ZNF385D: variants seen among roughly 807,000 people sequenced by gnomAD.
The protein encoded by ZNF385D is zinc finger protein 659.
A neutral mutation model predicts 35.8 loss-of-function variants in ZNF385D; 15 were observed. The ratio of observed to expected loss-of-function variants is 0.42; its 90% CI spans 0.28 to 0.64. ZNF385D has a LOEUF of 0.64. Ranked by LOEUF, ZNF385D falls within the 30% of genes least tolerant of loss-of-function variation. The pLI is 0.23. For synonymous variants in ZNF385D, 212 were observed against 186.8 expected (o/e 1.13, Z -1.10); for missense variants, 474 against 494.6 (o/e 0.96, Z 0.39).
rs866024762 is a variant in ZNF385D, at chr3:22,340,995, A to G, written c.106+31455T>C. 3.3e-5 allele frequency among the ~76,000 whole-genome samples: 5 copies of G among 152,336 alleles called. No homozygotes were observed. The South Asian group carries it at 1.0e-3, about 32-fold the overall frequency. ...GGTCATGGTCTACTTACCACATAGG[A>G]TAACTTCATCACCATTAAGGTGACA... is the stretch of plus-strand genomic sequence containing the variant. On this transcript the variant is annotated intron_variant, in intron 2 of 5. Coordinates refer to the ZNF385D transcript ENST00000494108.
chr3:21,649,412 A>T (rs1247213635), intron 2 of ZNF385D, among the ~76,000 whole-genome samples: 2 of 152,172 alleles, frequency 1.3e-5, no homozygotes, highest in Non-Finnish European at 2.9e-5. Flanking sequence ...GGAACTATTT[A>T]GCAGGATGAC....
chr3:22,077,388 G>C (rs1327208162), intron 3 of ZNF385D, among the ~76,000 whole-genome samples: 1 of 151,894 alleles, frequency 6.6e-6, no homozygotes, highest in South Asian at 2.1e-4. Flanking sequence ...AGACACAAAA[G>C]AGAAAATGAA....
chr3:21,573,792 G>C (rs1460843997), intron 2 of ZNF385D, among the ~76,000 whole-genome samples: 5 of 151,740 alleles, frequency 3.3e-5, no homozygotes, highest in Admixed American at 2.6e-4. Flanking sequence ...GGGCACGGTG[G>C]CTCACCCATG....
chr3:21,839,117 G>C (rs1407342980), intron 3 of ZNF385D, among the ~76,000 whole-genome samples: 1 of 151,984 alleles, frequency 6.6e-6, no homozygotes, highest in Non-Finnish European at 1.5e-5. Context: ...GGCTATAAAT[G>C]CAAAGTCAAA....
chr3:21,796,794 T>G (rs781549484), intron 3 of ZNF385D, among the ~76,000 whole-genome samples: 1 of 152,164 alleles, frequency 6.6e-6, no homozygotes, highest in Non-Finnish European at 1.5e-5. Flanking sequence ...AGAGCTAGAT[T>G]TGAACCCAGA....
chr3:21,518,105 CA>C (rs1707690586), intron 3 of ZNF385D, among the ~76,000 whole-genome samples: 1 of 152,108 alleles, frequency 6.6e-6, no homozygotes, highest in African/African-American at 2.4e-5. Context: ...CCAAAGTGGC[CA>C]TTTCTTTTGG....
chr3:21,742,673 C>T (rs2069576162), intron 1 of ZNF385D, among the ~76,000 whole-genome samples: 1 of 152,184 alleles, frequency 6.6e-6, no homozygotes, highest in Non-Finnish European at 1.5e-5. Flanking sequence ...ATGATTCCTG[C>T]TCCTGCCAGG....
intron 2 of ZNF385D, among the ~76,000 whole-genome samples, chr3:22,365,261 A>G (rs1353092499): frequency 6.6e-6 from 1 of 152,098 alleles, no homozygotes; most frequent in Non-Finnish European, 1.5e-5. Flanking sequence ...TATATTTATG[A>G]CAAAAATAAA....
chr3:21,764,792 G>A (rs2070756830), intron 3 of ZNF385D, among the ~76,000 whole-genome samples: 1 of 152,124 alleles, frequency 6.6e-6, no homozygotes, highest in South Asian at 2.1e-4. Flanking sequence ...AAGCATGGAA[G>A]AAATGACACT....
chr3:22,073,768 G>A (rs78635560), intron 3 of ZNF385D, among the ~76,000 whole-genome samples: 10,786 of 151,966 alleles, frequency 0.071, 548 homozygotes, highest in Non-Finnish European at 0.11. Context: ...ACATTTGGAT[G>A]CTTTCTGAAT....
At chr3:22,242,089 G>T (rs190059175) in intron 2 of ZNF385D, among the ~76,000 whole-genome samples, 13 of 150,600 alleles carry the variant, frequency 8.6e-5, no homozygotes, top group South Asian at 4.4e-4. Context: ...GTGGGGGAAG[G>T]GGGGAGGGAT....
At chr3:21,523,211 T>A (rs1300258059) in intron 3 of ZNF385D, among the ~76,000 whole-genome samples, 1 of 152,178 alleles carries the variant, frequency 6.6e-6, no homozygotes, top group East Asian at 1.9e-4. Context: ...ATTGCAACTA[T>A]CATGGGAATT....
At chr3:22,000,181 T>C (rs1261045593) in intron 3 of ZNF385D, among the ~76,000 whole-genome samples, 2 of 152,052 alleles carry the variant, frequency 1.3e-5, no homozygotes, top group Admixed American at 6.6e-5. Context: ...GGTGGCTGCC[T>C]GTAGTCCCAG....
At chr3:21,910,415 G>C (rs17010082) in intron 3 of ZNF385D, among the ~76,000 whole-genome samples, 7,414 of 151,992 alleles carry the variant, frequency 0.049, 776 homozygotes, top group Admixed American at 0.24. Context: ...AAAATGAAGA[G>C]AGCCTTTGCA....
intron 2 of ZNF385D, among the ~76,000 whole-genome samples, chr3:22,254,797 A>C (rs1002581251): frequency 4.0e-5 from 6 of 151,800 alleles, no homozygotes; most frequent in African/African-American, 1.4e-4. Flanking sequence ...TTACTAAGCA[A>C]AATCGCAGTG....
intron 2 of ZNF385D, among the ~76,000 whole-genome samples, chr3:21,591,463 C>A (rs1039651936): frequency 2.0e-5 from 3 of 152,046 alleles, no homozygotes; most frequent in Admixed American, 6.6e-5. Flanking sequence ...AATCATTATT[C>A]ACCAAGATTT....
intron 5 of ZNF385D, among the ~76,000 whole-genome samples, chr3:21,432,560 C>T (rs1255790192): frequency 1.3e-5 from 2 of 151,660 alleles, no homozygotes; most frequent in African/African-American, 2.4e-5. Context: ...ATTAGCTAAG[C>T]AGAGCACTAC....
upstream of ZNF385D, among the ~76,000 whole-genome samples, chr3:21,753,898 AC>A (rs1257529012): frequency 6.6e-6 from 1 of 151,818 alleles, no homozygotes; most frequent in East Asian, 1.9e-4. Context: ...ATAGAGTTTG[AC>A]CTTTTTACAC....
chr3:21,988,936 G>A (rs1162500548), intron 3 of ZNF385D, among the ~76,000 whole-genome samples: 2 of 152,282 alleles, frequency 1.3e-5, no homozygotes, highest in South Asian at 4.1e-4. Flanking sequence ...GATTTTCCAG[G>A]TGCGTCCATC....
Sources: allele counts gnomAD v4.1 joint callset (sites outside exome capture counted in the v4.1 genomes callset), GRCh38; gene constraint gnomAD v4.1.1; transcripts MANE v1.5; gene names NCBI Gene and HGNC (gene_info 2026-07-23, HGNC 2026-07-21).